GK: variants seen among roughly 807,000 people sequenced by gnomAD.
GK encodes glycerol kinase, also known as ATP:glycerol 3-phosphotransferase.
A neutral mutation model predicts 56.4 loss-of-function variants in GK; 9 were observed. The observed-to-expected ratio is 0.16, with a 90% CI of 0.10 to 0.28. The LOEUF is 0.28. Among genes scored for constraint, GK ranks in the 10% least tolerant of loss-of-function variants. The pLI is 1.00. For missense variants in GK, 161 were observed against 431.4 expected, an observed-to-expected ratio of 0.37 and a Z score of 5.55; for synonymous variants, 104 against 144.1, an observed-to-expected ratio of 0.72 and a Z score of 1.99.
chrX:30,711,993 A>G (rs965858193), intron 13 of GK, among the ~76,000 whole-genome samples: 7 of 112,057 alleles, frequency 6.2e-5, no homozygotes, highest in Non-Finnish European at 1.9e-5. Context: ...TGTGTTTAAT[A>G]TTTGATATAT....
At chrX:30,701,489 G>A (rs1478135225) in intron 11 of GK, among the ~76,000 whole-genome samples, 2 of 112,145 alleles carry the variant, frequency 1.8e-5, no homozygotes, top group Non-Finnish European at 3.8e-5. Context: ...TTGGTTCAAA[G>A]TATTCTTGCC....
At chrX:30,665,266 T>C (rs1007354977) in intron 1 of GK, among the ~76,000 whole-genome samples, 16 of 111,991 alleles carry the variant, frequency 1.4e-4, no homozygotes, top group African/African-American at 3.9e-4. Flanking sequence ...TTTTAAGGAG[T>C]AGGGAATTGC....
intron 8 of GK, 73 bp from the exon 9 acceptor site, chrX:30,697,659 G>A (rs1935310176): frequency 2.4e-5 from 18 of 752,671 alleles, no homozygotes; most frequent in Non-Finnish European, 3.7e-5. Context: ...AAAAAACGTG[G>A]AACTGGCCTA....
At chrX:30,654,093 G>A (rs865891207) in intron 1 of GK, among the ~76,000 whole-genome samples, 1 of 112,430 alleles carries the variant, frequency 8.9e-6, no homozygotes, top group East Asian at 2.8e-4. Context: ...AAGTATTGGA[G>A]TGATGATGCG....
At chrX:30,689,441 A>AG (rs1156613118) in intron 4 of GK, 1 of 323,024 alleles carries the variant, frequency 3.1e-6, no homozygotes, top group Non-Finnish European at 6.0e-6. Flanking sequence ...AGTTTAAAGC[A>AG]GGGGGCAGTT....
At chrX:30,692,885 A>C (rs1326308345) in intron 5 of GK, among the ~76,000 whole-genome samples, 1 of 109,766 alleles carries the variant, frequency 9.1e-6, no homozygotes, top group East Asian at 2.8e-4. Flanking sequence ...TTCTTACAAA[A>C]CCATACTCAT....
intron 13 of GK, among the ~76,000 whole-genome samples, chrX:30,708,432 G>A (rs1272096825): frequency 9.2e-6 from 1 of 108,627 alleles, no homozygotes; most frequent in Non-Finnish European, 1.9e-5. Context: ...AAGTTTAATC[G>A]GATTAACGTG....
Position 30,720,710 on chromosome X carries a change from G to A in GK, c.1326G>A (p.Gln442=), listed in dbSNP as rs1277509199. The part of the protein sequence containing the change: ...GGMTSNKILM[Q]LQADILYIPV... ...TGACCAGCAACAAAATTCTTATGCA[G>A]CTACAAGCAGACATTCTGTATATAC... Residue 442 remains glutamine (Q), a synonymous_variant, in exon 17 of 21, where the codon CAG becomes CAA. Coordinates refer to ENST00000427190, the MANE Select transcript of GK (RefSeq NM_001205019.2). The A allele has an allele frequency of 8.3e-7, 1 of 1,209,066 alleles. No homozygotes were observed. Among genetic ancestry groups the A allele is most frequent in the Non-Finnish European group, 1.1e-6 (1 of 892,754 alleles).
chrX:30,655,629 A>T (rs768987143), intron 1 of GK, among the ~76,000 whole-genome samples: 8 of 112,615 alleles, frequency 7.1e-5, no homozygotes, highest in Non-Finnish European at 1.5e-4. Context: ...CTCAATATGA[A>T]AATGGGTAAA....
intron 19 of GK, among the ~76,000 whole-genome samples, chrX:30,725,354 C>G (rs934483207): frequency 7.1e-5 from 8 of 111,959 alleles, no homozygotes; most frequent in African/African-American, 2.6e-4. Flanking sequence ...TTTTGTTTTT[C>G]TCCTAAATAA....
At chrX:30,674,461 G>T (rs1364186186) in intron 3 of GK, 3 of 307,359 alleles carry the variant, frequency 9.8e-6, no homozygotes, top group African/African-American at 8.1e-5. Flanking sequence ...CCCTCCACTT[G>T]TGCTGGTAAT....
At chrX:30,658,939 A>C (rs911983791) in intron 1 of GK, among the ~76,000 whole-genome samples, 3 of 112,677 alleles carry the variant, frequency 2.7e-5, no homozygotes, top group African/African-American at 9.7e-5. Flanking sequence ...GACCGATAAA[A>C]CTTGAGGCAT....
chrX:30,718,476 C>T, intron 13 of GK, 62 bp from the exon 14 acceptor site: 1 of 742,549 alleles, frequency 1.3e-6, no homozygotes, highest in Admixed American at 2.3e-5. Flanking sequence ...ACAGAATATG[C>T]TCAATAAAAA....
intron 4 of GK, chrX:30,687,688 C>G: frequency 3.0e-6 from 1 of 335,028 alleles, no homozygotes; most frequent in South Asian, 2.7e-5. Context: ...TTGACTTCTG[C>G]TGCCAGATCT....
intron 3 of GK, among the ~76,000 whole-genome samples, chrX:30,677,030 G>C (rs1933958990): frequency 9.0e-6 from 1 of 111,374 alleles, no homozygotes. Context: ...GTTGATTATT[G>C]GTCTGCTCAG....
chrX:30,701,345 G>GT (rs752956246), intron 11 of GK, among the ~76,000 whole-genome samples: 17 of 112,377 alleles, frequency 1.5e-4, no homozygotes, highest in Admixed American at 1.3e-3. Context: ...GGAGGTGGAG[G>GT]TTGCGGTGAG....
chrX:30,692,879 T>C (rs1204636407), intron 5 of GK, among the ~76,000 whole-genome samples: 1 of 110,321 alleles, frequency 9.1e-6, no homozygotes, highest in Non-Finnish European at 1.9e-5. Flanking sequence ...TGAGTTTTCT[T>C]ACAAAACCAT....
At chrX:30,713,706 T>C (rs999095206) in intron 13 of GK, among the ~76,000 whole-genome samples, 1 of 112,385 alleles carries the variant, frequency 8.9e-6, no homozygotes, top group South Asian at 3.7e-4. Flanking sequence ...CCCTTTCTAG[T>C]TGGAAAATAT....
intron 4 of GK, among the ~76,000 whole-genome samples, chrX:30,678,292 T>C (rs761045991): frequency 1.8e-5 from 2 of 112,218 alleles, no homozygotes; most frequent in African/African-American, 3.2e-5. Flanking sequence ...TCACAACTTA[T>C]TAGGTGTAAA....
Sources: allele counts gnomAD v4.1 joint callset (sites outside exome capture counted in the v4.1 genomes callset), GRCh38; gene constraint gnomAD v4.1.1; transcripts MANE v1.5; gene names NCBI Gene and HGNC (gene_info 2026-07-23, HGNC 2026-07-21).